The following LARP1B variants were observed in gnomAD, a reference collection of about 807,000 sequenced individuals.
The protein encoded by LARP1B is La ribonucleoprotein 1B, also known as la-related protein 1B.
Under a neutral mutation model 114.2 loss-of-function variants are expected in LARP1B, and 76 were observed. The ratio of observed to expected loss-of-function variants is 0.67; its 90% CI spans 0.55 to 0.81. LARP1B has a LOEUF of 0.81. LARP1B is among the 30% of genes least tolerant of loss of function. The probability of loss-of-function intolerance (pLI) is 0.00; values close to 1 mark genes in which losing one functional copy is unlikely to be tolerated. For synonymous variants in LARP1B, 345 were observed against 348.0 expected, an observed-to-expected ratio of 0.99 and a Z score of 0.10; for missense variants, 1,014 against 1,075.8, an observed-to-expected ratio of 0.94 and a Z score of 0.80.
Position 128,077,796 on chromosome 4 carries a change from C to A in LARP1B, c.51C>A (p.Ser17Arg). The change falls in exon 4 of 20, where the codon AGC (serine) becomes AGA (arginine). Residue 17 changes from serine (S) to arginine (R), a missense_variant. Ser to Arg is a moderately radical substitution (Grantham distance 110, BLOSUM62 -1). Coordinates refer to ENST00000326639, the MANE Select transcript of LARP1B (RefSeq NM_018078.4). ...PSELVNTGFQ[S>R]VLSQGNKKPQ... is the part of the protein sequence containing the mutation. ...TGAAAACCTTTTTGCAGTTTCAGAGCGTCCTCAGCCAAGGAAATAAAAAGC... is the reference window on the plus strand; with the variant it reads ...TGAAAACCTTTTTGCAGTTTCAGAGAGTCCTCAGCCAAGGAAATAAAAAGC... 1 of 1,557,430 alleles carries A rather than the reference C, an allele frequency of 6.4e-7. No individual in the cohort carries two copies. The highest frequency in any genetic ancestry group is 8.6e-7 in the Non-Finnish European group (1 of 1,156,992).
At chr4:128,159,514 T>C (rs184232901) in intron 11 of LARP1B, among the ~76,000 whole-genome samples, 1 of 152,208 alleles carries the variant, frequency 6.6e-6, no homozygotes, top group African/African-American at 2.4e-5. Context: ...CATAGCAAAA[T>C]TGAGCAGAAG....
intron 1 of LARP1B, chr4:128,069,551 A>G (rs914928128): frequency 2.3e-5 from 17 of 742,384 alleles, no homozygotes; most frequent in Middle Eastern, 3.8e-4. Context: ...ACTGCCAGCA[A>G]CCAACTCTCA....
At chr4:128,126,023 A>G (rs1247860044) in intron 11 of LARP1B, among the ~76,000 whole-genome samples, 1 of 152,204 alleles carries the variant, frequency 6.6e-6, no homozygotes, top group Non-Finnish European at 1.5e-5. Flanking sequence ...AGTTAGCAGC[A>G]CATAAAGTGA....
At chr4:128,220,325 A>G in intron 6 of LARP1B, 1 of 877,750 alleles carries the variant, frequency 1.1e-6, no homozygotes, top group Non-Finnish European at 1.4e-6. Context: ...GCTTTTATGT[A>G]ACTATTATTT....
At chr4:128,207,667 C>T (rs890677129) in intron 19 of LARP1B, among the ~76,000 whole-genome samples, 1 of 152,158 alleles carries the variant, frequency 6.6e-6, no homozygotes, top group African/African-American at 2.4e-5. Context: ...TTAATTTTTA[C>T]CTGATATGCT....
intron 10 of LARP1B, among the ~76,000 whole-genome samples, chr4:128,118,895 G>C (rs1399826659): frequency 8.0e-6 from 1 of 125,350 alleles, no homozygotes; most frequent in Non-Finnish European, 1.7e-5. Context: ...TTTTTTTTTT[G>C]AGACAGAGTT....
intron 12 of LARP1B, among the ~76,000 whole-genome samples, chr4:128,167,911 AT>A (rs1280042895): frequency 6.6e-6 from 1 of 152,034 alleles, no homozygotes; most frequent in Non-Finnish European, 1.5e-5. Context: ...GGCTCCTTTC[AT>A]TTAGCCTAGT....
chr4:128,064,233 C>T (rs1310597882), intron 1 of LARP1B, among the ~76,000 whole-genome samples: 1 of 123,064 alleles, frequency 8.1e-6, no homozygotes, highest in Non-Finnish European at 1.6e-5. Flanking sequence ...GACTGAGCCA[C>T]TGTATTCCAG....
intron 10 of LARP1B, among the ~76,000 whole-genome samples, chr4:128,118,232 A>ATTT (rs771418969): frequency 2.1e-5 from 2 of 93,520 alleles, no homozygotes; most frequent in African/African-American, 7.4e-5. Context: ...AGTCAGGTCT[A>ATTT]TTTTTTTTTT....
intron 15 of LARP1B, among the ~76,000 whole-genome samples, chr4:128,180,961 G>A (rs564000391): frequency 6.6e-6 from 1 of 152,262 alleles, no homozygotes; most frequent in South Asian, 2.1e-4. Context: ...TTCTTTAGAT[G>A]AGTGTTTGCC....
chr4:128,196,857 T>C (rs1337052970), intron 15 of LARP1B, among the ~76,000 whole-genome samples: 1 of 152,144 alleles, frequency 6.6e-6, no homozygotes, highest in African/African-American at 2.4e-5. Context: ...ATATAAATAT[T>C]CAACCACAAA....
At chr4:128,133,034 T>C (rs554054526) in intron 11 of LARP1B, among the ~76,000 whole-genome samples, 10 of 152,240 alleles carry the variant, frequency 6.6e-5, no homozygotes, top group Admixed American at 6.5e-4. Flanking sequence ...GAGAATCTAA[T>C]GCTGCCACTG....
intron 11 of LARP1B, among the ~76,000 whole-genome samples, chr4:128,126,500 A>G (rs1181133569): frequency 6.6e-6 from 1 of 152,228 alleles, no homozygotes; most frequent in Non-Finnish European, 1.5e-5. Flanking sequence ...GGAAATAAAA[A>G]TATGTGTAGA....
At chr4:128,204,770 A>G (rs950451469) in intron 17 of LARP1B, among the ~76,000 whole-genome samples, 3 of 152,160 alleles carry the variant, frequency 2.0e-5, no homozygotes, top group Non-Finnish European at 1.5e-5. Flanking sequence ...TCCATTCCCA[A>G]TGATATGCTT....
At chr4:128,176,116 A>G (rs949479853) in intron 12 of LARP1B, among the ~76,000 whole-genome samples, 2 of 144,256 alleles carry the variant, frequency 1.4e-5, no homozygotes, top group African/African-American at 5.1e-5. Flanking sequence ...ACACACATAT[A>G]TATACACATA....
intron 5 of LARP1B, among the ~76,000 whole-genome samples, chr4:128,083,597 A>C: frequency 1.6e-5 from 2 of 125,308 alleles, no homozygotes; most frequent in South Asian, 3.0e-4. Flanking sequence ...TCCCTCCCAG[A>C]CGGGGCGGCT....
intron 5 of LARP1B, among the ~76,000 whole-genome samples, chr4:128,083,438 G>T (rs1245029412): frequency 1.0e-4 from 15 of 149,408 alleles, no homozygotes; most frequent in African/African-American, 3.7e-4. Context: ...GGCTGGCCGG[G>T]CAGGGGGCTG....
At chr4:128,181,180 C>CTTTTTTTTTTTTTTTTTTTTT (rs70966086) in intron 15 of LARP1B, among the ~76,000 whole-genome samples, 1 of 130,002 alleles carries the variant, frequency 7.7e-6, no homozygotes. Flanking sequence ...CTCATCCATT[C>CTTTTTTTTTTTTTTTTTTTTT]TTTTTTTTTT....
At chr4:128,208,975 A>T (rs1316926441) in intron 19 of LARP1B, among the ~76,000 whole-genome samples, 1 of 152,248 alleles carries the variant, frequency 6.6e-6, no homozygotes, top group African/African-American at 2.4e-5. Context: ...ATTGAGAAAG[A>T]GACTGGAAAT....
Sources: allele counts gnomAD v4.1 joint callset (sites outside exome capture counted in the v4.1 genomes callset), GRCh38; gene constraint gnomAD v4.1.1; transcripts MANE v1.5; gene names NCBI Gene and HGNC (gene_info 2026-07-23, HGNC 2026-07-21).